RNF125: variants seen among roughly 807,000 people sequenced by gnomAD.
The protein encoded by RNF125 is E3 ubiquitin-protein ligase RNF125.
In RNF125, 21 loss-of-function variants were observed where a neutral mutation model predicts 26.0. That is an observed-to-expected ratio of 0.81 (90% CI 0.57 to 1.16). RNF125 has a LOEUF of 1.16. Among genes scored for constraint, RNF125 ranks in the 50% most tolerant of loss-of-function variants. The pLI, the probability that RNF125 is intolerant of heterozygous loss-of-function variation, is 0.00. For missense variants in RNF125, 270 were observed against 299.4 expected, an observed-to-expected ratio of 0.90 and a Z score of 0.72; for synonymous variants, 95 against 109.2, an observed-to-expected ratio of 0.87 and a Z score of 0.81.
the RNF125 span, among the ~76,000 whole-genome samples, chr18:32,080,475 T>A: frequency 6.6e-6 from 1 of 152,222 alleles, no homozygotes; most frequent in African/African-American, 2.4e-5. Flanking sequence ...TCCAGAAATT[T>A]CCGCCTTGAG....
rs181453938 is a variant in RNF125, at chr18:32,038,080, G to C, written c.318+811G>C. Among the ~76,000 whole-genome samples the C allele has an allele frequency of 2.1e-3, 242 of 116,850 alleles. 1 individual carries two copies. Among genetic ancestry groups the C allele is most frequent in the African/African-American group, 8.1e-3 (238 of 29,564 alleles). The allele number at this position is 116,850 out of a possible 152,430, so 76.7% of individuals were successfully genotyped here. Reference sequence around the variant, plus strand: ...TTTTTTTTTTTTGAGACAGAGTCTTGCTCTGTCGCCCAGGCTGCAGTGTAG... The same window carrying C: ...TTTTTTTTTTTTGAGACAGAGTCTTCCTCTGTCGCCCAGGCTGCAGTGTAG... On this transcript the variant is annotated intron_variant, in intron 2 of 5. Transcript: ENST00000217740.
In RNF125 at chr18:32,057,995, C is replaced by T. The variant is rs1057430405; in HGVS notation, c.505-7907C>T. On this transcript the variant is annotated intron_variant, in intron 4 of 5. Coordinates refer to ENST00000217740, the MANE Select transcript of RNF125 (RefSeq NM_017831.4). ...TTAAAGCGCTAAAGTGGCCAGGCAC[C>T]GTGGCTTATGCCAGTAGTCCCAGCA... Among the ~76,000 whole-genome samples the T allele has an allele frequency of 2.6e-4, 39 of 151,798 alleles. 1 individual carries two copies. The highest frequency in any genetic ancestry group is 2.1e-4 in the South Asian group (1 of 4,810).
downstream of RNF125, among the ~76,000 whole-genome samples, chr18:32,075,205 GTC>G (rs2039562036): frequency 6.6e-6 from 1 of 152,108 alleles, no homozygotes; most frequent in African/African-American, 2.4e-5. Flanking sequence ...ATCCATCAGC[GTC>G]TCTTGCCTGG....
At chr18:32,081,415 A>G in the RNF125 span, among the ~76,000 whole-genome samples, 1 of 152,206 alleles carries the variant, frequency 6.6e-6, no homozygotes, top group Non-Finnish European at 1.5e-5. Context: ...GTATTTAAAT[A>G]TAGAGACAAC....
chr18:32,023,132 C>T (rs768744761), intron 1 of RNF125, among the ~76,000 whole-genome samples: 9 of 152,030 alleles, frequency 5.9e-5, no homozygotes, highest in Non-Finnish European at 1.3e-4. Context: ...TAAGTGCCTG[C>T]CACCATGCCT....
At chr18:32,054,132 C>T (rs528403701) in intron 4 of RNF125, among the ~76,000 whole-genome samples, 3 of 122,824 alleles carry the variant, frequency 2.4e-5, no homozygotes, top group East Asian at 2.4e-4. Flanking sequence ...TCACTCTTGT[C>T]ACCCAGGCTG....
chr18:32,079,317 A>G, the RNF125 span, among the ~76,000 whole-genome samples: 26 of 152,272 alleles, frequency 1.7e-4, no homozygotes, highest in Middle Eastern at 3.4e-3. Flanking sequence ...ATCTAATCCT[A>G]ATTACCATCC....
intron 4 of RNF125, among the ~76,000 whole-genome samples, chr18:32,061,791 G>T (rs1234475724): frequency 6.6e-6 from 1 of 152,186 alleles, no homozygotes; most frequent in Non-Finnish European, 1.5e-5. Context: ...ATACACTATT[G>T]AAAGTATCTG....
At chr18:32,075,647 T>G (rs1238438441), downstream of RNF125, among the ~76,000 whole-genome samples, 1 of 146,436 alleles carries the variant, frequency 6.8e-6, no homozygotes, top group Non-Finnish European at 1.5e-5. Context: ...GAGCCGAAAT[T>G]GTGCCATTGC....
chr18:32,061,226 G>A (rs911178721), intron 4 of RNF125, among the ~76,000 whole-genome samples: 9 of 152,154 alleles, frequency 5.9e-5, no homozygotes, highest in East Asian at 1.9e-4. Flanking sequence ...GGGTTTCACC[G>A]TGTTAGCCAG....
At chr18:32,077,944 A>T (rs1300229720), downstream of RNF125, among the ~76,000 whole-genome samples, 1 of 151,964 alleles carries the variant, frequency 6.6e-6, no homozygotes, top group Non-Finnish European at 1.5e-5. Flanking sequence ...ACACACCACC[A>T]CATCTAGCTA....
At chr18:32,054,365 T>C (rs1035189487) in intron 4 of RNF125, among the ~76,000 whole-genome samples, 8 of 152,220 alleles carry the variant, frequency 5.3e-5, no homozygotes, top group African/African-American at 1.9e-4. Context: ...AGTGCCGCGA[T>C]TACCGGCATG....
chr18:32,090,672 TTCTC>T, the RNF125 span, among the ~76,000 whole-genome samples: 8 of 152,242 alleles, frequency 5.3e-5, no homozygotes, highest in Non-Finnish European at 1.0e-4. Flanking sequence ...ATACCATTTT[TTCTC>T]TCTCATTCTG....
Position 32,058,025 on chromosome 18 carries a change from A to C in RNF125, c.505-7877A>C, listed in dbSNP as rs554292703. ...CTTATGCCAGTAGTCCCAGCATTTT[A>C]TGAGGCCAAAGTGGGAGGGTTACTT... is the stretch of plus-strand genomic sequence containing the variant. On this transcript the variant is annotated intron_variant, in intron 4 of 5. Transcript: ENST00000217740. 5.3e-5 allele frequency among the ~76,000 whole-genome samples: 8 copies of C among 150,908 alleles called. No homozygotes were observed. In the East Asian group the frequency reaches 1.6e-3, roughly 30 times the overall value.
chr18:32,044,714 C>G (rs1263021160), intron 3 of RNF125, among the ~76,000 whole-genome samples: 1 of 152,136 alleles, frequency 6.6e-6, no homozygotes, highest in Non-Finnish European at 1.5e-5. Context: ...CCTTTTCCTT[C>G]CTCCCTTTCC....
rs905241441 is a variant in RNF125, at chr18:32,069,635, T to G, written c.*1251T>G. 1 of 152,226 alleles carries G rather than the reference T, an allele frequency of 6.6e-6. No individual in the cohort carries two copies. Among genetic ancestry groups the G allele is most frequent in the Non-Finnish European group, 1.5e-5 (1 of 68,046 alleles). The allele number at this position is 152,226 out of a possible 1,614,324, so 9.4% of individuals were successfully genotyped here. Reference sequence around the variant, plus strand: ...ATTACAACCCCACAAAAGTAACTGCTAGACTGATTTAAATGGTAATCACTT... The same window carrying G: ...ATTACAACCCCACAAAAGTAACTGCGAGACTGATTTAAATGGTAATCACTT... On this transcript the variant is annotated 3_prime_UTR_variant, in exon 6 of 6. Coordinates refer to ENST00000217740, the MANE Select transcript of RNF125 (RefSeq NM_017831.4).
At chr18:32,086,346 G>C in the RNF125 span, among the ~76,000 whole-genome samples, 1 of 135,576 alleles carries the variant, frequency 7.4e-6, no homozygotes, top group East Asian at 2.3e-4. Flanking sequence ...ACTGCACCTA[G>C]ATATTTGTGT....
chr18:32,050,974 C>G (rs543360049), intron 4 of RNF125, among the ~76,000 whole-genome samples: 1 of 146,316 alleles, frequency 6.8e-6, no homozygotes, highest in African/African-American at 2.5e-5. Flanking sequence ...CTGCTCTCCT[C>G]GGCCCCGCAA....
At chr18:32,079,069 G>T in the RNF125 span, among the ~76,000 whole-genome samples, 2 of 152,108 alleles carry the variant, frequency 1.3e-5, no homozygotes, top group Non-Finnish European at 2.9e-5. Context: ...TGAGGGCAAA[G>T]GTTGGGATTT....
Sources: allele counts gnomAD v4.1 joint callset (sites outside exome capture counted in the v4.1 genomes callset), GRCh38; gene constraint gnomAD v4.1.1; transcripts MANE v1.5; gene names NCBI Gene and HGNC (gene_info 2026-07-23, HGNC 2026-07-21).